The following UXS1 variants were observed in gnomAD, a reference collection of about 807,000 sequenced individuals.
The protein encoded by UXS1 is UDP-glucuronate decarboxylase 1.
In UXS1, 33 loss-of-function variants were observed where a neutral mutation model predicts 62.6. That is an observed-to-expected ratio of 0.53 (90% CI 0.40 to 0.70). UXS1 has a LOEUF of 0.70. Among genes scored for constraint, UXS1 ranks in the 30% least tolerant of loss-of-function variants. The probability of loss-of-function intolerance (pLI) is 0.00; values close to 1 mark genes in which losing one functional copy is unlikely to be tolerated. For missense variants in UXS1, 434 were observed against 556.3 expected, an observed-to-expected ratio of 0.78 and a Z score of 2.21; for synonymous variants, 213 against 206.8, an observed-to-expected ratio of 1.03 and a Z score of -0.26.
intron 1 of UXS1, among the ~76,000 whole-genome samples, chr2:106,187,368 C>A (rs1005578736): frequency 2.0e-5 from 3 of 152,126 alleles, no homozygotes; most frequent in Non-Finnish European, 2.9e-5. Context: ...TGTCTGCTGT[C>A]CCCCAGGGTC....
intron 1 of UXS1, among the ~76,000 whole-genome samples, chr2:106,181,402 T>G (rs1036029291): frequency 1.3e-5 from 2 of 152,178 alleles, no homozygotes; most frequent in African/African-American, 4.8e-5. Context: ...AATGAATCTA[T>G]TTTTAGAATG....
chr2:106,138,224 C>T, intron 6 of UXS1: 5 of 985,516 alleles, frequency 5.1e-6, no homozygotes, highest in Non-Finnish European at 6.0e-6. Flanking sequence ...TTCTTCAAAG[C>T]TCAATCCAGA....
At chr2:106,166,301 C>G in intron 1 of UXS1, 2 of 481,564 alleles carry the variant, frequency 4.2e-6, no homozygotes, top group South Asian at 6.4e-5. Flanking sequence ...AGTTTGAGAA[C>G]TGCAACCCAG....
intron 14 of UXS1, among the ~76,000 whole-genome samples, chr2:106,094,937 T>C (rs1676953488): frequency 6.6e-6 from 1 of 152,192 alleles, no homozygotes; most frequent in African/African-American, 2.4e-5. Context: ...CAGTGTGCAG[T>C]TTGCCAATTA....
intron 10 of UXS1, among the ~76,000 whole-genome samples, chr2:106,106,020 T>G (rs1678032918): frequency 6.6e-6 from 1 of 151,732 alleles, no homozygotes; most frequent in Non-Finnish European, 1.5e-5. Context: ...TTCCCAGAGC[T>G]CCCCGCTCCA....
intron 1 of UXS1, among the ~76,000 whole-genome samples, chr2:106,192,187 G>A (rs753112178): frequency 2.6e-5 from 4 of 152,214 alleles, no homozygotes; most frequent in African/African-American, 4.8e-5. Flanking sequence ...GCACCCCATG[G>A]TGTCTCCTAG....
intron 1 of UXS1, among the ~76,000 whole-genome samples, chr2:106,191,194 AAGG>A (rs997790629): frequency 1.9e-4 from 29 of 152,136 alleles, no homozygotes; most frequent in African/African-American, 7.0e-4. Context: ...GGAAAGATGT[AAGG>A]AGGAGAAGGA....
At chr2:106,145,463 C>G in intron 5 of UXS1, 93 bp from the exon 6 acceptor site, 1 of 1,443,738 alleles carries the variant, frequency 6.9e-7, no homozygotes, top group South Asian at 1.5e-5. Flanking sequence ...TCTGGTGCAG[C>G]CACGACTTAA....
chr2:106,097,263 G>A (rs1358294039), intron 13 of UXS1: 1 of 453,882 alleles, frequency 2.2e-6, no homozygotes, highest in Non-Finnish European at 4.4e-6. Context: ...TCGGAGCCTA[G>A]ACAGCCCTGA....
chr2:106,170,331 G>A (rs1228918682), intron 1 of UXS1, among the ~76,000 whole-genome samples: 2 of 152,144 alleles, frequency 1.3e-5, no homozygotes, highest in Admixed American at 6.5e-5. Flanking sequence ...GGAGACACTG[G>A]TGGCCCTCCT....
At chr2:106,121,858 G>C (rs1050048502) in intron 9 of UXS1, among the ~76,000 whole-genome samples, 1 of 152,190 alleles carries the variant, frequency 6.6e-6, no homozygotes, top group Non-Finnish European at 1.5e-5. Flanking sequence ...ACCCCTCAGA[G>C]AGCCTACCTG....
intron 1 of UXS1, among the ~76,000 whole-genome samples, chr2:106,167,542 CAAG>C (rs1683284518): frequency 6.6e-6 from 1 of 152,022 alleles, no homozygotes; most frequent in Admixed American, 6.6e-5. Flanking sequence ...TTCCCACTCT[CAAG>C]AAGGGGAATG....
chr2:106,131,197 C>T (rs1030200433), intron 6 of UXS1, among the ~76,000 whole-genome samples: 3 of 150,256 alleles, frequency 2.0e-5, no homozygotes, highest in Non-Finnish European at 4.4e-5. Context: ...GCTTTTCAGA[C>T]CGGCTTAAAA....
chr2:106,105,760 G>A (rs1413452467), intron 10 of UXS1, among the ~76,000 whole-genome samples: 3 of 152,224 alleles, frequency 2.0e-5, no homozygotes, highest in African/African-American at 4.8e-5. Flanking sequence ...AGGCGGAGAC[G>A]GCAACAGAGG....
At chr2:106,190,532 G>C (rs1021513417) in intron 1 of UXS1, among the ~76,000 whole-genome samples, 26 of 152,116 alleles carry the variant, frequency 1.7e-4, no homozygotes, top group African/African-American at 5.1e-4. Flanking sequence ...GATCACCTGA[G>C]GTCAGGAGTT....
chr2:106,096,386 T>C (rs550313182), intron 14 of UXS1, among the ~76,000 whole-genome samples: 1 of 152,268 alleles, frequency 6.6e-6, no homozygotes, highest in African/African-American at 2.4e-5. Flanking sequence ...ACAGTGTGAG[T>C]GTGTGGGAGA....
chr2:106,154,298 A>G (rs1682261033), intron 5 of UXS1, among the ~76,000 whole-genome samples: 1 of 152,062 alleles, frequency 6.6e-6, no homozygotes, highest in Non-Finnish European at 1.5e-5. Flanking sequence ...CAAAGACAAG[A>G]TAAGATTTTG....
chr2:106,139,221 G>A (rs1012100689), intron 6 of UXS1, among the ~76,000 whole-genome samples: 1 of 152,126 alleles, frequency 6.6e-6, no homozygotes, highest in African/African-American at 2.4e-5. Context: ...TTGCTCCAGA[G>A]ACCGCTAGAG....
intron 1 of UXS1, among the ~76,000 whole-genome samples, chr2:106,182,441 C>T (rs1439946056): frequency 2.0e-5 from 3 of 152,238 alleles, no homozygotes; most frequent in African/African-American, 2.4e-5. Context: ...CATTCTCTAG[C>T]TTTTCCACAT....
Sources: allele counts gnomAD v4.1 joint callset (sites outside exome capture counted in the v4.1 genomes callset), GRCh38; gene constraint gnomAD v4.1.1; transcripts MANE v1.5; gene names NCBI Gene and HGNC (gene_info 2026-07-23, HGNC 2026-07-21).